Variants in PTGFR observed in about 807,000 individuals in gnomAD.
PTGFR encodes the protein prostaglandin F receptor.
Under a neutral mutation model 26.2 loss-of-function variants are expected in PTGFR, and 15 were observed. The ratio of observed to expected loss-of-function variants is 0.57; its 90% CI spans 0.38 to 0.88. PTGFR has a LOEUF of 0.88. Among genes scored for constraint, PTGFR ranks in the 40% least tolerant of loss-of-function variants. PTGFR has a pLI of 0.00. For missense variants in PTGFR, 369 were observed against 427.2 expected, an observed-to-expected ratio of 0.86 and a Z score of 1.20; for synonymous variants, 165 against 151.1, an observed-to-expected ratio of 1.09 and a Z score of -0.68.
At chr1:78,531,152 T>C (rs1177907912) in intron 2 of PTGFR, among the ~76,000 whole-genome samples, 1 of 152,138 alleles carries the variant, frequency 6.6e-6, no homozygotes, top group Non-Finnish European at 1.5e-5. Context: ...TGGCCAGAAG[T>C]AGGTGGGTCA....
intron 2 of PTGFR, among the ~76,000 whole-genome samples, chr1:78,510,470 A>G (rs1570280283): frequency 6.6e-6 from 1 of 152,226 alleles, no homozygotes; most frequent in South Asian, 2.1e-4. Flanking sequence ...AGCAGATCTC[A>G]TGAGAACTCA....
intron 2 of PTGFR, among the ~76,000 whole-genome samples, chr1:78,515,625 T>C (rs547001155): frequency 2.0e-5 from 3 of 152,232 alleles, no homozygotes; most frequent in Non-Finnish European, 4.4e-5. Flanking sequence ...ATTCTTTGTC[T>C]TTATTTACAC....
chr1:78,513,361 G>A (rs1418850278), intron 2 of PTGFR, among the ~76,000 whole-genome samples: 1 of 152,216 alleles, frequency 6.6e-6, no homozygotes, highest in African/African-American at 2.4e-5. Flanking sequence ...TGGTGTGAAA[G>A]TCATCCATGT....
At chr1:78,492,633 T>C in intron 1 of PTGFR, 39 bp from the exon 2 acceptor site, 3 of 1,044,820 alleles carry the variant, frequency 2.9e-6, no homozygotes, top group African/African-American at 3.2e-5. Context: ...AGATGAGCAG[T>C]AATGCGGTGT....
chr1:78,499,337 A>G lies in PTGFR; in HGVS notation c.798+5796A>G, dbSNP rs142962827. On this transcript the variant is annotated intron_variant, in intron 2 of 2. Transcript: ENST00000370757. Reference sequence around the variant, plus strand: ...ATAGGACCTAGCAGGGTGTGATAACATAATACATATTTCTCTGTCTATCTG... The same window carrying G: ...ATAGGACCTAGCAGGGTGTGATAACGTAATACATATTTCTCTGTCTATCTG... Among the ~76,000 whole-genome samples, 3 of 152,352 alleles carry G rather than the reference A, an allele frequency of 2.0e-5. No homozygotes were observed. The East Asian group carries it at 5.8e-4, about 29-fold the overall frequency.
chr1:78,536,771 C>A lies in PTGFR; in HGVS notation c.*84C>A. 7.1e-7 allele frequency: 1 copy of A among 1,398,690 alleles called. No individual in the cohort carries two copies. The highest frequency in any genetic ancestry group is 9.5e-7 in the Non-Finnish European group (1 of 1,050,560). 86.6% of individuals were successfully genotyped at this position (1,398,690 alleles called of 1,614,324 possible). On this transcript the variant is annotated 3_prime_UTR_variant, in exon 3 of 3. Transcript: ENST00000370757. ...ATTTCAGTTAGTTAAATACCTGTAG[C>A]CTAACTGGAAAATTCAGGCTTCATC... is the stretch of plus-strand genomic sequence containing the variant.
intron 2 of PTGFR, among the ~76,000 whole-genome samples, chr1:78,519,244 T>A (rs1650167961): frequency 6.6e-6 from 1 of 152,136 alleles, no homozygotes; most frequent in African/African-American, 2.4e-5. Context: ...AATAAGTTCA[T>A]ATAGCCTATT....
rs537045507 is a variant in PTGFR at position 78,528,010 on chromosome 1, G to A, written c.799-8396G>A. ...CAGAAAATTGTCAGGAGAAAATTATGTGGGGTATAACCATTGCACTAGATT... is the reference window on the plus strand; with the variant it reads ...CAGAAAATTGTCAGGAGAAAATTATATGGGGTATAACCATTGCACTAGATT... On this transcript the variant is annotated intron_variant, in intron 2 of 2. Coordinates refer to ENST00000370757, the MANE Select transcript of PTGFR (RefSeq NM_000959.4). Among the ~76,000 whole-genome samples, 9 of 152,140 alleles carry A rather than the reference G, an allele frequency of 5.9e-5. No individual in the cohort carries two copies. The South Asian group carries it at 1.0e-3, about 17-fold the overall frequency.
At chr1:78,519,651 T>C (rs748087439) in intron 2 of PTGFR, among the ~76,000 whole-genome samples, 9 of 152,124 alleles carry the variant, frequency 5.9e-5, no homozygotes, top group Non-Finnish European at 1.0e-4. Context: ...TGTAGTTTAT[T>C]TGGGGAGGCA....
chr1:78,522,655 C>T (rs59239383), intron 2 of PTGFR, among the ~76,000 whole-genome samples: 160 of 152,126 alleles, frequency 1.1e-3, no homozygotes, highest in African/African-American at 3.6e-3. Flanking sequence ...TTTTCAGTTT[C>T]TGTCTCTAGT....
chr1:78,513,537 A>T (rs934290560), intron 2 of PTGFR, among the ~76,000 whole-genome samples: 1 of 152,228 alleles, frequency 6.6e-6, no homozygotes. Flanking sequence ...TCAGATAGAG[A>T]AGCAAAGGAA....
intron 2 of PTGFR, among the ~76,000 whole-genome samples, chr1:78,527,432 G>T (rs930594821): frequency 6.6e-6 from 1 of 151,980 alleles, no homozygotes; most frequent in African/African-American, 2.4e-5. Context: ...ACCAGTAAAC[G>T]ACTGCTTTCT....
chr1:78,507,003 C>G (rs1649841639), intron 2 of PTGFR, among the ~76,000 whole-genome samples: 1 of 152,064 alleles, frequency 6.6e-6, no homozygotes, highest in Non-Finnish European at 1.5e-5. Context: ...AGCTCAAATA[C>G]CATTTAAATT....
At chr1:78,516,386 G>C (rs1272075609) in intron 2 of PTGFR, among the ~76,000 whole-genome samples, 2 of 152,094 alleles carry the variant, frequency 1.3e-5, no homozygotes, top group African/African-American at 2.4e-5. Flanking sequence ...AATATTCATG[G>C]AGAAGAGCTC....
At chr1:78,501,286 A>G (rs75911543) in intron 2 of PTGFR, among the ~76,000 whole-genome samples, 2 of 152,346 alleles carry the variant, frequency 1.3e-5, no homozygotes, top group Middle Eastern at 3.4e-3. Flanking sequence ...CTTTATAGGA[A>G]GTATATAAAT....
chr1:78,536,208 A>G (rs930636248), intron 2 of PTGFR, among the ~76,000 whole-genome samples, 198 bp from the exon 3 acceptor site: 1 of 152,132 alleles, frequency 6.6e-6, no homozygotes, highest in African/African-American at 2.4e-5. Flanking sequence ...TTGTAGGTCT[A>G]ATGTCAATTT....
intron 2 of PTGFR, among the ~76,000 whole-genome samples, chr1:78,505,120 C>G (rs1271953133): frequency 1.6e-5 from 2 of 127,216 alleles, no homozygotes; most frequent in Non-Finnish European, 3.2e-5. Context: ...TTTATTCTAA[C>G]TTTTTTTTTT....
At chr1:78,505,505 C>T (rs969201398) in intron 2 of PTGFR, among the ~76,000 whole-genome samples, 1 of 152,166 alleles carries the variant, frequency 6.6e-6, no homozygotes, top group African/African-American at 2.4e-5. Context: ...TAAGAAAGCA[C>T]TGATCTTGAT....
At chr1:78,501,334 G>A (rs1649700050) in intron 2 of PTGFR, among the ~76,000 whole-genome samples, 2 of 152,168 alleles carry the variant, frequency 1.3e-5, no homozygotes. Context: ...GTCATGTATA[G>A]CCACCCCAAT....
Sources: gnomAD v4.1 joint callset for allele counts (sites outside exome capture counted in the v4.1 genomes callset) on GRCh38, gnomAD v4.1.1 for gene constraint, MANE v1.5 for transcripts, NCBI Gene and HGNC (gene_info 2026-07-23, HGNC 2026-07-21) for gene names.